ATXN2L: variants seen among roughly 807,000 people sequenced by gnomAD.
The protein encoded by ATXN2L is ataxin 2 like, also known as ataxin-2-like protein.
A neutral mutation model predicts 120.7 loss-of-function variants in ATXN2L; 24 were observed. The observed-to-expected ratio is 0.20, with a 90% confidence interval of 0.14 to 0.28. The LOEUF (loss-of-function observed/expected upper bound fraction) is 0.28, where lower values mean the gene tolerates loss of function less well. Among genes scored for constraint, ATXN2L ranks in the 10% least tolerant of loss-of-function variants. ATXN2L has a pLI of 1.00. For missense variants in ATXN2L, 1,312 were observed against 1,432.3 expected, an observed-to-expected ratio of 0.92 and a Z score of 1.36; for synonymous variants, 653 against 568.1, an observed-to-expected ratio of 1.15 and a Z score of -2.13.
At chr16:28,824,342 G>T in intron 1 of ATXN2L, 1 of 1,211,058 alleles carries the variant, frequency 8.3e-7, no homozygotes, top group South Asian at 1.4e-5. Context: ...GGCGCAGTGG[G>T]CTCTGATCGC....
At position 28,836,222 on chromosome 16, in the gene ATXN2L, G is replaced by A. The variant is rs1447208280; in HGVS notation, c.3185G>A (p.Gly1062Glu). 6.2e-7 allele frequency: 1 copy of A among 1,613,984 alleles called. No individual in the cohort carries two copies. The highest frequency in any genetic ancestry group is 1.7e-5 in the Admixed American group (1 of 60,002). ...AGGIWHGRAE[G>E]LQVGQDARVL... is the part of the protein sequence containing the mutation. ...GGAATTTGGCATGGAAGAGCTGAGGGGCTGCAGGTGGGGCAGGATGCACGG... is the reference window on the plus strand; with the variant it reads ...GGAATTTGGCATGGAAGAGCTGAGGAGCTGCAGGTGGGGCAGGATGCACGG... Residue 1062 changes from glycine to glutamate, a missense_variant, in exon 22 of 22, where the codon GGG (glycine) becomes GAG (glutamate). Coordinates refer to ENST00000336783, the MANE Select transcript of ATXN2L (RefSeq NM_007245.4).
rs762950644 is a variant in ATXN2L, at chr16:28,836,889, G to A, written c.*624G>A. 7.0e-6 allele frequency: 8 copies of A among 1,146,002 alleles called. No individual in the cohort carries two copies. Among genetic ancestry groups the A allele is most frequent in the Non-Finnish European group, 1.0e-5 (8 of 791,108 alleles). The allele number at this position is 1,146,002 out of a possible 1,614,324, so 71.0% of individuals were successfully genotyped here. ...AGCCCCCCATCCCCCCGTTCCCCAG[G>A]GGAGCTGGGGAATTCCTGCCAAGCA... On this transcript the variant is annotated 3_prime_UTR_variant, in exon 22 of 22. Transcript: ENST00000336783.
At chr16:28,831,475 C>T (rs1167942347) in intron 10 of ATXN2L, among the ~76,000 whole-genome samples, 1 of 152,052 alleles carries the variant, frequency 6.6e-6, no homozygotes, top group African/African-American at 2.4e-5. Context: ...TTACAGGCAC[C>T]CACCACCACG....
intron 5 of ATXN2L, 176 bp from the exon 6 acceptor site, chr16:28,826,686 T>A: frequency 1.3e-6 from 1 of 748,752 alleles, no homozygotes; most frequent in Non-Finnish European, 2.0e-6. Flanking sequence ...GATAGACTTT[T>A]TATACTCTTC....
chr16:28,825,110 G>A (rs1350878978), intron 1 of ATXN2L, among the ~76,000 whole-genome samples: 1 of 151,088 alleles, frequency 6.6e-6, no homozygotes, highest in Non-Finnish European at 1.5e-5. Context: ...TCAGCCACTC[G>A]GGAGGCTGAG....
At position 28,835,150 on chromosome 16, in the gene ATXN2L, C is replaced by T. The variant is rs201357419; in HGVS notation, c.2526C>T (p.Tyr842=). 9.9e-5 allele frequency: 159 copies of T among 1,613,702 alleles called. No individual in the cohort carries two copies. Among genetic ancestry groups the T allele is most frequent in the Non-Finnish European group, 1.2e-4 (145 of 1,179,858 alleles). ...QAIVSSSTPQ[Y]PSAEQPTPQA... ...TCGTGTCATCCTCTACCCCTCAGTA[C>T]CCTTCTGCAGAGCAGCCTACCCCCC... Residue 842 remains tyrosine (Y), a synonymous_variant, in exon 19 of 22, where the codon TAC becomes TAT. Transcript: ENST00000336783.
chr16:28,834,724 C>T (rs1053331578), intron 18 of ATXN2L, 31 bp downstream of exon 18: 15 of 1,579,060 alleles, frequency 9.5e-6, no homozygotes, highest in Non-Finnish European at 1.3e-5. Flanking sequence ...CAGTGAGGAT[C>T]CAGGGCCCCT....
Position 28,825,605 on chromosome 16 carries a change from C to T in ATXN2L, c.337-19C>T. On this transcript the variant is annotated intron_variant, in intron 2 of 21. Transcript: ENST00000336783. ...TGACTGATTACTCCTTTAATTCTCCCTCTTATGTTAACTGACAGGTGTTTG... is the reference window on the plus strand; with the variant it reads ...TGACTGATTACTCCTTTAATTCTCCTTCTTATGTTAACTGACAGGTGTTTG... The T allele has an allele frequency of 1.2e-6, 2 of 1,611,730 alleles. No individual in the cohort carries two copies. Among genetic ancestry groups the T allele is most frequent in the Non-Finnish European group, 1.7e-6 (2 of 1,177,818 alleles).
At chr16:28,824,431 T>C (rs2050965680) in intron 1 of ATXN2L, 1 of 1,284,826 alleles carries the variant, frequency 7.8e-7, no homozygotes, top group Non-Finnish European at 1.0e-6. Flanking sequence ...TGGATGGCTT[T>C]TGCGGCTGCG....
intron 2 of ATXN2L, 41 bp downstream of exon 2, chr16:28,825,443 A>G: frequency 4.4e-6 from 7 of 1,604,358 alleles, no homozygotes; most frequent in South Asian, 1.1e-5. Context: ...ACATAGACCT[A>G]AAAGATGCAT....
In ATXN2L at chr16:28,826,941, G is replaced by C. The variant is rs140933362; in HGVS notation, c.696G>C (p.Glu232Asp). 1.3e-5 allele frequency: 21 copies of C among 1,584,762 alleles called. No homozygotes were observed. The East Asian group carries it at 4.8e-4, about 36-fold the overall frequency. The change falls in exon 6 of 22, where the codon GAG (glutamate) becomes GAC (aspartate). Residue 232 changes from glutamate to aspartate, a missense_variant. Glu to Asp is a conservative substitution (Grantham distance 45). Transcript: ENST00000336783. ...EHKEKVLQRW[E>D]GGDSNSDDYD... is the part of the protein sequence containing the mutation. The stretch of plus-strand genomic sequence containing the variant: ...AAGAGAAGGTGCTTCAGCGCTGGGA[G>C]GGGGGTGACAGCAACAGCGACGACT...
chr16:28,824,050 C>T, intron 1 of ATXN2L: 7 of 975,710 alleles, frequency 7.2e-6, no homozygotes, highest in Non-Finnish European at 8.6e-6. Flanking sequence ...CCTTCCCGGT[C>T]TGGCCAGTAG....
At chr16:28,825,039 C>A (rs1402822224) in intron 1 of ATXN2L, among the ~76,000 whole-genome samples, 1 of 148,536 alleles carries the variant, frequency 6.7e-6, no homozygotes, top group Non-Finnish European at 1.5e-5. Context: ...GATGGGAAAT[C>A]CCATCTCTAC....
Position 28,834,217 on chromosome 16 carries a change from CAG to C in ATXN2L, c.2172+12_2172+13del, listed in dbSNP as rs775457359. ...ACATGGGACCAGCTGTGCAGGTATGCAGAGAGACTGGCCGGGCCCAGGGTTAG... is the reference window on the plus strand; with the variant it reads ...ACATGGGACCAGCTGTGCAGGTATGCAGAGACTGGCCGGGCCCAGGGTTAG... On this transcript the variant is annotated splice_region_variant and intron_variant, in intron 16 of 21. Coordinates refer to ENST00000336783, the MANE Select transcript of ATXN2L (RefSeq NM_007245.4). 3 of 1,612,562 alleles carry C rather than the reference CAG, an allele frequency of 1.9e-6. No homozygotes were observed. The highest frequency in any genetic ancestry group is 1.6e-4 in the Middle Eastern group (1 of 6,078).
intron 9 of ATXN2L, 45 bp downstream of exon 9, chr16:28,830,835 G>A (rs1160612175): frequency 1.3e-6 from 2 of 1,557,178 alleles, no homozygotes; most frequent in Non-Finnish European, 1.7e-6. Context: ...GGAAGGGGAT[G>A]CCAAGGAGGT....
In ATXN2L at chr16:28,836,879, C is replaced by T. The variant is rs541173680; in HGVS notation, c.*614C>T. 254 of 1,280,156 alleles carry T rather than the reference C, an allele frequency of 2.0e-4. 1 individual carries two copies. Among genetic ancestry groups the T allele is most frequent in the Middle Eastern group, 9.4e-4 (5 of 5,312 alleles). The allele number at this position is 1,280,156 out of a possible 1,614,324, so 79.3% of individuals were successfully genotyped here. A position where few individuals can be genotyped will look rare whatever the true frequency, so the allele number is the denominator to read the frequency against. On this transcript the variant is annotated 3_prime_UTR_variant, in exon 22 of 22. Transcript: ENST00000336783. Reference sequence around the variant, plus strand: ...GACCACTCCCAGCCCCCCATCCCCCCGTTCCCCAGGGGAGCTGGGGAATTC... The same window carrying T: ...GACCACTCCCAGCCCCCCATCCCCCTGTTCCCCAGGGGAGCTGGGGAATTC...
rs1275626613 is a variant in ATXN2L, at chr16:28,826,934, G to T, written c.689G>T (p.Arg230Leu). Residue 230 changes from arginine to leucine, a missense_variant, in exon 6 of 22, where the codon CGC (arginine) becomes CTC (leucine). Coordinates refer to ENST00000336783, the MANE Select transcript of ATXN2L (RefSeq NM_007245.4). ...NGEHKEKVLQ[R>L]WEGGDSNSDD... is the part of the protein sequence containing the mutation. ...GAACACAAAGAGAAGGTGCTTCAGCGCTGGGAGGGGGGTGACAGCAACAGC... is the reference window on the plus strand; with the variant it reads ...GAACACAAAGAGAAGGTGCTTCAGCTCTGGGAGGGGGGTGACAGCAACAGC... 6.3e-7 allele frequency: 1 copy of T among 1,590,442 alleles called. No individual in the cohort carries two copies. The highest frequency in any genetic ancestry group is 2.3e-5 in the East Asian group (1 of 44,300).
intron 10 of ATXN2L, 116 bp downstream of exon 10, chr16:28,831,188 C>T: frequency 1.3e-6 from 1 of 792,044 alleles, no homozygotes; most frequent in Non-Finnish European, 2.0e-6. Context: ...ATGTTTTGGG[C>T]ATTTGGGATT....
rs778910692 is a variant in ATXN2L, at chr16:28,832,335, C to G, written c.1452C>G (p.Val484=). Residue 484 remains valine (V), a synonymous_variant, in exon 11 of 22, where the codon GTC becomes GTG. Transcript: ENST00000336783. ...CCTCCATCCCTGTGACCTCATCAGTCTCAGATCCTGGAGTGGGCTCCATTT... is the reference window on the plus strand; with the variant it reads ...CCTCCATCCCTGTGACCTCATCAGTGTCAGATCCTGGAGTGGGCTCCATTT... ...SSASIPVTSS[V]SDPGVGSISP... is the part of the protein sequence containing the mutation. 7 of 1,614,212 alleles carry G rather than the reference C, an allele frequency of 4.3e-6. No individual in the cohort carries two copies. Among genetic ancestry groups the G allele is most frequent in the Non-Finnish European group, 5.1e-6 (6 of 1,180,050 alleles).
Sources: gnomAD v4.1 joint callset for allele counts (sites outside exome capture counted in the v4.1 genomes callset) on GRCh38, gnomAD v4.1.1 for gene constraint, MANE v1.5 for transcripts, NCBI Gene and HGNC (gene_info 2026-07-23, HGNC 2026-07-21) for gene names.